MYH9: variants seen among roughly 807,000 people sequenced by gnomAD.
MYH9 encodes the protein myosin heavy chain 9, also known as myosin-9.
MYH9 carries 29 observed loss-of-function variants against 241.9 expected under a neutral mutation model. That is an observed-to-expected ratio of 0.12 (90% CI 0.09 to 0.16). The LOEUF (loss-of-function observed/expected upper bound fraction) is 0.16. Ranked by LOEUF, MYH9 falls within the 10% of genes least tolerant of loss-of-function variation. MYH9 has a pLI of 1.00. For missense variants in MYH9, 1,803 were observed against 2,595.5 expected, an observed-to-expected ratio of 0.69 and a Z score of 6.63; for synonymous variants, 1,047 against 1,062.6, an observed-to-expected ratio of 0.99 and a Z score of 0.29.
chr22:36,293,951 G>C lies in MYH9; in HGVS notation c.3838-88C>G. 2.0e-6 allele frequency: 3 copies of C among 1,464,170 alleles called. No homozygotes were observed. The highest frequency in any genetic ancestry group is 1.2e-5 in the South Asian group (1 of 85,640). The allele number at this position is 1,464,170 out of a possible 1,614,324, so 90.7% of individuals were successfully genotyped here. A position where few individuals can be genotyped will look rare whatever the true frequency, so the allele number is the denominator to read the frequency against. On this transcript the variant is annotated intron_variant, in intron 28 of 40. Coordinates refer to ENST00000216181, the MANE Select transcript of MYH9 (RefSeq NM_002473.6). The surrounding 1 kb of genome is among the most constrained non-coding windows in gnomAD (Gnocchi z 5.1). ...ATCTCCTTTAGGTAAAGCTGGACCT[G>C]AGTCACAAGCTGAACCATGAGGGTC...
intron 2 of MYH9, among the ~76,000 whole-genome samples, chr22:36,346,841 A>G (rs530117678): frequency 6.6e-6 from 1 of 152,234 alleles, no homozygotes; most frequent in African/African-American, 2.4e-5. Flanking sequence ...CCTGAGCTCA[A>G]GCCATCCTCT....
At chr22:36,383,665 AGG>A (rs35424710) in intron 1 of MYH9, among the ~76,000 whole-genome samples, 72 of 142,450 alleles carry the variant, frequency 5.1e-4, no homozygotes, top group Middle Eastern at 3.5e-3. Context: ...TTAAAAAAAA[AGG>A]GGGGGGGGTG....
In MYH9 at chr22:36,306,472, G is replaced by A. The variant is rs1389534696; in HGVS notation, c.1979C>T (p.Thr660Met). Residue 660 changes from threonine (T) to methionine (M), a missense_variant, in exon 16 of 41, where the codon ACG (threonine) becomes ATG (methionine). Thr to Met is a moderately conservative substitution (Grantham distance 81). Around this residue, in one of 11 missense-constraint regions of MYH9, gnomAD observed 163 missense variants for 349.7 expected, o/e 0.47. Coordinates refer to ENST00000216181, the MANE Select transcript of MYH9 (RefSeq NM_002473.6). The surrounding 1 kb of genome is among the most constrained non-coding windows in gnomAD (Gnocchi z 4.1). ...AAAGTTGGGGTTCGTGTTCCTCAGCGTAGCCATCAGCTTGGCCAGCTGCTC... is the reference window on the plus strand; with the variant it reads ...AAAGTTGGGGTTCGTGTTCCTCAGCATAGCCATCAGCTTGGCCAGCTGCTC... ...YKEQLAKLMA[T>M]LRNTNPNFVR... 5.6e-6 allele frequency: 9 copies of A among 1,614,138 alleles called. No homozygotes were observed. The highest frequency in any genetic ancestry group is 2.2e-5 in the South Asian group (2 of 91,074).
rs1256574392 is a variant in MYH9, at chr22:36,300,868, T to A, written c.2821A>T (p.Met941Leu). 1.9e-6 allele frequency: 3 copies of A among 1,602,092 alleles called. No individual in the cohort carries two copies. Among genetic ancestry groups the A allele is most frequent in the East Asian group, 2.2e-5 (1 of 44,898 alleles). The change falls in exon 22 of 41, where the codon ATG (methionine) becomes TTG (leucine). Residue 941 changes from methionine to leucine, a missense_variant. Physicochemically the swap from Met to Leu is conservative, Grantham distance 15. This residue lies in a region of MYH9 where 290 missense variants were observed against 360.5 expected (regional missense o/e 0.80). Transcript: ENST00000216181. This position sits in a 1 kb window ranked among gnomAD's most constrained non-coding sequence, Gnocchi z 5.0. ...CQHLQAEKKK[M>L]QQNIQELEEQ... is the part of the protein sequence containing the mutation. The stretch of plus-strand genomic sequence containing the variant: ...GCAGGAACCTGGATGTTCTGCTGCA[T>A]CTTCTTCTTCTCCGCCTGCAGGTGC...
At chr22:36,371,838 T>A (rs1469583585) in intron 1 of MYH9, among the ~76,000 whole-genome samples, 1 of 151,996 alleles carries the variant, frequency 6.6e-6, no homozygotes, top group Non-Finnish European at 1.5e-5. Flanking sequence ...CCCAGCTGCC[T>A]GAGCAATTTA....
rs769606736 is a variant in MYH9, at chr22:36,341,350, GC to G, written c.490+19del. The G allele has an allele frequency of 3.7e-6, 6 of 1,612,770 alleles. No homozygotes were observed. Among genetic ancestry groups the G allele is most frequent in the East Asian group, 2.2e-5 (1 of 44,862 alleles). ...CAGGTGAAGATTCAGCCCCAGGTGG[GC>G]ACACACTACGTCACCCACCTTGCAT... On this transcript the variant is annotated intron_variant, in intron 3 of 40. Coordinates refer to ENST00000216181, the MANE Select transcript of MYH9 (RefSeq NM_002473.6).
intron 2 of MYH9, among the ~76,000 whole-genome samples, chr22:36,346,512 C>T (rs1054458749): frequency 2.0e-5 from 3 of 152,222 alleles, no homozygotes; most frequent in Non-Finnish European, 4.4e-5. Flanking sequence ...CCTGCCACCA[C>T]CTGCTTTTAT....
chr22:36,327,081 G>A (rs981315685), intron 4 of MYH9, among the ~76,000 whole-genome samples: 2 of 152,198 alleles, frequency 1.3e-5, no homozygotes, highest in African/African-American at 4.8e-5. Context: ...AGGCTGAGAG[G>A]CCCCAGTGTC....
intron 1 of MYH9, among the ~76,000 whole-genome samples, chr22:36,371,300 G>T (rs2146416628): frequency 6.6e-6 from 1 of 152,248 alleles, no homozygotes; most frequent in East Asian, 1.9e-4. Context: ...CCCATGGCTG[G>T]TGTCCTTATA....
chr22:36,318,727 G>A (rs1399858196), intron 10 of MYH9, among the ~76,000 whole-genome samples: 1 of 152,056 alleles, frequency 6.6e-6, no homozygotes, highest in African/African-American at 2.4e-5. Flanking sequence ...GGCCAACCTG[G>A]TGCTGGGGCA....
rs780141052 is a variant in MYH9 at position 36,319,679 on chromosome 22, T to C, written c.1013-44A>G. ...GCAGCTCAGAAGCAGACATGGGTCA[T>C]GGTGATTCCCGGGGGTGGGGGCCAC... is the stretch of plus-strand genomic sequence containing the variant. On this transcript the variant is annotated intron_variant, in intron 9 of 40. Coordinates refer to ENST00000216181, the MANE Select transcript of MYH9 (RefSeq NM_002473.6). 6.3e-6 allele frequency: 10 copies of C among 1,591,570 alleles called. No homozygotes were observed. In the Admixed American group the frequency reaches 6.7e-5, roughly 11 times the overall value.
At chr22:36,385,081 T>C (rs142857135) in intron 1 of MYH9, among the ~76,000 whole-genome samples, 1 of 152,240 alleles carries the variant, frequency 6.6e-6, no homozygotes, top group East Asian at 1.9e-4. Flanking sequence ...GACGTTTGTT[T>C]AATTACGACG....
At position 36,316,684 on chromosome 22, in the gene MYH9, C is replaced by A. The variant is rs1393755673; in HGVS notation, c.1228-15G>T. The A allele has an allele frequency of 6.2e-7, 1 of 1,613,274 alleles. No homozygotes were observed. The highest frequency in any genetic ancestry group is 1.3e-5 in the African/African-American group (1 of 74,900). ...GCAAAGTCAGCCTGCGGGGCACACC[C>A]GGGGAGCGTGGTGTCAGATACAAAG... On this transcript the variant is annotated splice_polypyrimidine_tract_variant and intron_variant, in intron 11 of 40. Coordinates refer to ENST00000216181, the MANE Select transcript of MYH9 (RefSeq NM_002473.6).
intron 1 of MYH9, among the ~76,000 whole-genome samples, chr22:36,386,553 T>A (rs936631177): frequency 1.3e-5 from 2 of 152,170 alleles, no homozygotes; most frequent in Non-Finnish European, 2.9e-5. Flanking sequence ...ATCAGTCACT[T>A]TGAAATCCTG....
In MYH9 at chr22:36,327,896, T is replaced by C. The variant is rs138761453; in HGVS notation, c.491-408A>G. On this transcript the variant is annotated intron_variant, in intron 3 of 40. Coordinates refer to ENST00000216181, the MANE Select transcript of MYH9 (RefSeq NM_002473.6). ...AGAAGCCTGCTGCAGGTGCTCTAAA[T>C]ACCATCCCCACTGAAGGAAGGAGCA... Among the ~76,000 whole-genome samples the C allele has an allele frequency of 1.4e-3, 216 of 152,202 alleles. 2 individuals are homozygous for C. The East Asian group carries it at 0.031, about 22-fold the overall frequency.
intron 14 of MYH9, among the ~76,000 whole-genome samples, chr22:36,310,843 G>A (rs767429161): frequency 1.1e-4 from 16 of 152,360 alleles, no homozygotes; most frequent in Admixed American, 8.5e-4. Flanking sequence ...ACTGATGAGC[G>A]TGTGCGTTTC....
In MYH9 at chr22:36,314,497, A is replaced by ACAT. The variant is rs1460940703; in HGVS notation, c.1381-182_1381-180dup. Among the ~76,000 whole-genome samples the ACAT allele has an allele frequency of 3.9e-5, 6 of 152,306 alleles. No individual in the cohort carries two copies. In the East Asian group the frequency reaches 1.2e-3, roughly 29 times the overall value. On this transcript the variant is annotated intron_variant, in intron 12 of 40. Coordinates refer to ENST00000216181, the MANE Select transcript of MYH9 (RefSeq NM_002473.6). ...CCCTTTATCCACCCAGCAGTGGGCA[A>ACAT]CATTTACTCTTTGGAGCCAGTGACC...
rs760484245 is a variant in MYH9, at chr22:36,348,910, G to A, written c.327C>T (p.Leu109=). The A allele has an allele frequency of 2.7e-5, 44 of 1,608,560 alleles. No homozygotes were observed. The highest frequency in any genetic ancestry group is 5.4e-5 in the African/African-American group (4 of 74,280). The part of the protein sequence containing the change: ...HNLKERYYSG[L]IYTYSGLFCV... ...TGCCACGGCAGCCACTTACGTAGAT[G>A]AGCCCTGAGTAGTAACGCTCCTTGA... The change falls in exon 2 of 41, where the codon CTC becomes CTT. Residue 109 remains leucine, a synonymous_variant. Coordinates refer to ENST00000216181, the MANE Select transcript of MYH9 (RefSeq NM_002473.6).
intron 5 of MYH9, chr22:36,325,244 T>C (rs536911468): frequency 1.4e-5 from 9 of 641,922 alleles, no homozygotes; most frequent in South Asian, 1.1e-4. Context: ...TGACGCCCCA[T>C]GGAAAAAGAT....
Sources: allele counts gnomAD v4.1 joint callset (sites outside exome capture counted in the v4.1 genomes callset), GRCh38; gene constraint gnomAD v4.1.1; regional missense constraint gnomAD v4.1.1; non-coding constraint Gnocchi (gnomAD v3.1); transcripts MANE v1.5; gene names NCBI Gene and HGNC (gene_info 2026-07-23, HGNC 2026-07-21).